The following IQCM variants were observed in gnomAD, a reference collection of about 807,000 sequenced individuals.
IQCM encodes the protein IQ motif containing M.
In IQCM, 45 loss-of-function variants were observed where a neutral mutation model predicts 57.6. The ratio of observed to expected loss-of-function variants is 0.78; its 90% CI spans 0.62 to 1.00. The LOEUF (loss-of-function observed/expected upper bound fraction) is 1.00, where lower values mean the gene tolerates loss of function less well. IQCM is among the 50% of genes least tolerant of loss of function. IQCM has a pLI of 0.00. For missense variants in IQCM, 468 were observed against 511.6 expected, an observed-to-expected ratio of 0.91 and a Z score of 0.82; for synonymous variants, 148 against 158.9, an observed-to-expected ratio of 0.93 and a Z score of 0.51.
chr4:149,794,718 A>G (rs1414671204), intron 2 of IQCM, among the ~76,000 whole-genome samples: 1 of 152,160 alleles, frequency 6.6e-6, no homozygotes, highest in African/African-American at 2.4e-5. Context: ...AAATATAATT[A>G]CTAAAATTAG....
chr4:149,353,981 C>T (rs537567518), intron 13 of IQCM, among the ~76,000 whole-genome samples: 31 of 152,274 alleles, frequency 2.0e-4, no homozygotes, highest in African/African-American at 7.2e-4. Context: ...GGCTATGTTG[C>T]TTCACTATAG....
At chr4:149,594,913 T>G (rs1029672830) in intron 8 of IQCM, among the ~76,000 whole-genome samples, 2 of 152,190 alleles carry the variant, frequency 1.3e-5, no homozygotes, top group Non-Finnish European at 2.9e-5. Context: ...GATGTCATGC[T>G]GAGAAGAATG....
chr4:149,775,533 A>T (rs752040490), intron 2 of IQCM, among the ~76,000 whole-genome samples: 1 of 152,204 alleles, frequency 6.6e-6, no homozygotes, highest in Non-Finnish European at 1.5e-5. Flanking sequence ...TCTTTTCTAT[A>T]GTTCTATTTG....
Position 149,769,870 on chromosome 4 carries a change from T to C in IQCM, c.-48-27131A>G, listed in dbSNP as rs185790979. Reference sequence around the variant, plus strand: ...AAGTTGAATATTTCTTTGTAATTGATAGAAAAATAGATAATTGGCAACAAT... The same window carrying C: ...AAGTTGAATATTTCTTTGTAATTGACAGAAAAATAGATAATTGGCAACAAT... On this transcript the variant is annotated intron_variant, in intron 2 of 13. Transcript: ENST00000636793. Among the ~76,000 whole-genome samples, 1,014 of 152,070 alleles carry C rather than the reference T, an allele frequency of 6.7e-3. 43 individuals carry two copies. Among genetic ancestry groups the C allele is most frequent in the Admixed American group, 0.058 (890 of 15,256 alleles).
chr4:149,643,773 T>C (rs1168361452), intron 7 of IQCM, among the ~76,000 whole-genome samples: 2 of 152,196 alleles, frequency 1.3e-5, no homozygotes, highest in South Asian at 4.1e-4. Flanking sequence ...AATTGTTTAA[T>C]ACTGTGGCCT....
intron 13 of IQCM, among the ~76,000 whole-genome samples, chr4:149,424,152 T>C (rs1217820256): frequency 6.6e-6 from 1 of 151,868 alleles, no homozygotes; most frequent in Admixed American, 6.6e-5. Flanking sequence ...TACAGAACTA[T>C]CAGAGATTTC....
At chr4:149,574,481 G>C (rs1285803766) in intron 9 of IQCM, among the ~76,000 whole-genome samples, 1 of 151,876 alleles carries the variant, frequency 6.6e-6, no homozygotes, top group Non-Finnish European at 1.5e-5. Context: ...GGGCTGACTG[G>C]CTGCCTTTTA....
intron 12 of IQCM, among the ~76,000 whole-genome samples, chr4:149,438,257 A>G (rs994286937): frequency 6.6e-6 from 1 of 152,112 alleles, no homozygotes; most frequent in Non-Finnish European, 1.5e-5. Context: ...TACAGGCTAA[A>G]AACAATGGCA....
intron 2 of IQCM, among the ~76,000 whole-genome samples, chr4:149,747,830 C>G (rs1329503319): frequency 6.6e-6 from 1 of 152,110 alleles, no homozygotes; most frequent in Non-Finnish European, 1.5e-5. Flanking sequence ...CTAATTAATT[C>G]AGGTTAATAT....
At chr4:149,811,815 A>G (rs1313736447) in intron 2 of IQCM, among the ~76,000 whole-genome samples, 1 of 152,204 alleles carries the variant, frequency 6.6e-6, no homozygotes, top group East Asian at 1.9e-4. Context: ...GCCACACTGG[A>G]CTGTGAATAA....
At chr4:149,486,805 C>T (rs1741572506) in intron 12 of IQCM, among the ~76,000 whole-genome samples, 1 of 151,962 alleles carries the variant, frequency 6.6e-6, no homozygotes, top group African/African-American at 2.4e-5. Flanking sequence ...TGAATGTTCC[C>T]AGGCCTGGGC....
At chr4:149,799,346 T>A (rs973858583) in intron 2 of IQCM, among the ~76,000 whole-genome samples, 1 of 151,528 alleles carries the variant, frequency 6.6e-6, no homozygotes, top group African/African-American at 2.4e-5. Context: ...AGCAGAAAAG[T>A]ACTAAAAGGA....
chr4:149,453,250 C>A, intron 12 of IQCM, among the ~76,000 whole-genome samples: 1 of 151,546 alleles, frequency 6.6e-6, no homozygotes, highest in Non-Finnish European at 1.5e-5. Context: ...CTATAAAACT[C>A]CTAGAAGGAA....
chr4:149,393,895 A>G (rs1369756636), intron 13 of IQCM, among the ~76,000 whole-genome samples: 1 of 152,022 alleles, frequency 6.6e-6, no homozygotes, highest in East Asian at 1.9e-4. Context: ...TGCAAGAAGA[A>G]TTGGTAAGAA....
At chr4:149,433,360 C>A in intron 13 of IQCM, 36 bp downstream of exon 13, 2 of 952,320 alleles carry the variant, frequency 2.1e-6, no homozygotes, top group Non-Finnish European at 2.7e-6. Context: ...GGTATCACTT[C>A]TTCTTTACAA....
At chr4:149,696,215 G>A (rs572253407) in intron 5 of IQCM, among the ~76,000 whole-genome samples, 5 of 152,080 alleles carry the variant, frequency 3.3e-5, no homozygotes, top group Admixed American at 6.6e-5. Flanking sequence ...GACTTCCATG[G>A]TAGCACACCC....
chr4:149,637,498 C>A (rs1481970511), intron 7 of IQCM, among the ~76,000 whole-genome samples: 5 of 152,072 alleles, frequency 3.3e-5, no homozygotes, highest in Non-Finnish European at 7.4e-5. Flanking sequence ...ATTAAAATCA[C>A]AGCAGGATTT....
At chr4:149,662,555 T>C (rs1233210708) in intron 7 of IQCM, among the ~76,000 whole-genome samples, 2 of 152,034 alleles carry the variant, frequency 1.3e-5, no homozygotes, top group Non-Finnish European at 2.9e-5. Flanking sequence ...TCTTTCACTT[T>C]AGATGTAATA....
At chr4:149,410,954 G>A (rs1419750922) in intron 13 of IQCM, among the ~76,000 whole-genome samples, 1 of 152,024 alleles carries the variant, frequency 6.6e-6, no homozygotes, top group Non-Finnish European at 1.5e-5. Flanking sequence ...ACTCTTTTCT[G>A]TTGCTGTTTT....
Sources: allele counts gnomAD v4.1 joint callset (sites outside exome capture counted in the v4.1 genomes callset), GRCh38; gene constraint gnomAD v4.1.1; transcripts MANE v1.5; gene names NCBI Gene and HGNC (gene_info 2026-07-23, HGNC 2026-07-21).